CTNNA2: variants seen among roughly 807,000 people sequenced by gnomAD.
CTNNA2 encodes the protein catenin alpha 2.
In CTNNA2, 42 loss-of-function variants were observed where a neutral mutation model predicts 101.0. That is an observed-to-expected ratio of 0.42 (90% CI 0.32 to 0.54). CTNNA2 has a LOEUF of 0.54. Among genes scored for constraint, CTNNA2 ranks in the 20% least tolerant of loss-of-function variants. The probability of loss-of-function intolerance (pLI) is 0.14; values close to 1 mark genes in which losing one functional copy is unlikely to be tolerated. For missense variants in CTNNA2, 871 were observed against 1,223.1 expected, an observed-to-expected ratio of 0.71 and a Z score of 4.29; for synonymous variants, 450 against 456.4, an observed-to-expected ratio of 0.99 and a Z score of 0.18.
chr2:80,562,701 G>A (rs1693713883), intron 12 of CTNNA2, among the ~76,000 whole-genome samples: 1 of 152,086 alleles, frequency 6.6e-6, no homozygotes, highest in African/African-American at 2.4e-5. Context: ...TTAGGGCACT[G>A]GTTGAATAAA....
intron 2 of CTNNA2, among the ~76,000 whole-genome samples, chr2:79,300,016 G>A (rs1394187280): frequency 1.3e-5 from 2 of 152,130 alleles, no homozygotes; most frequent in African/African-American, 2.4e-5. Flanking sequence ...TCTTGCATTA[G>A]TGTAATACAT....
intron 7 of CTNNA2, among the ~76,000 whole-genome samples, chr2:79,962,592 T>C (rs1689719518): frequency 6.6e-6 from 1 of 152,238 alleles, no homozygotes; most frequent in African/African-American, 2.4e-5. Flanking sequence ...TTGCATATAA[T>C]ATGCCATATT....
At chr2:79,620,357 C>G (rs1254605466) in intron 1 of CTNNA2, among the ~76,000 whole-genome samples, 1 of 152,132 alleles carries the variant, frequency 6.6e-6, no homozygotes, top group Non-Finnish European at 1.5e-5. Flanking sequence ...TCTCTGGAAC[C>G]TCCTTGTCCT....
intron 18 of CTNNA2, among the ~76,000 whole-genome samples, chr2:80,620,316 T>C (rs756061419): frequency 1.2e-4 from 17 of 137,814 alleles, no homozygotes; most frequent in Non-Finnish European, 2.5e-4. Flanking sequence ...TGTTGGAGAA[T>C]TGGTTTCGGT....
At chr2:79,269,337 G>A (rs1675031332) in intron 2 of CTNNA2, among the ~76,000 whole-genome samples, 1 of 152,114 alleles carries the variant, frequency 6.6e-6, no homozygotes, top group Non-Finnish European at 1.5e-5. Context: ...AGTCAGCAAG[G>A]AAAGACTGCT....
At chr2:79,512,725 C>T (rs1405718906), upstream of CTNNA2, among the ~76,000 whole-genome samples, 1 of 151,830 alleles carries the variant, frequency 6.6e-6, no homozygotes, top group Non-Finnish European at 1.5e-5. Flanking sequence ...CGTCCCCTCC[C>T]CCCACCTGCG....
chr2:80,042,406 T>C lies in CTNNA2; in HGVS notation c.1056+132609T>C, dbSNP rs557922511. On this transcript the variant is annotated intron_variant, in intron 7 of 18. Coordinates refer to ENST00000402739, the MANE Select transcript of CTNNA2 (RefSeq NM_001282597.3). ...TGCTGTTGAGAATCGGGTTTAATAA[T>C]ATTTATATACTTATTTTTATTGACA... Among the ~76,000 whole-genome samples, 13 of 152,310 alleles carry C rather than the reference T, an allele frequency of 8.5e-5. No homozygotes were observed. In the East Asian group the frequency reaches 2.3e-3, roughly 27 times the overall value.
At chr2:80,290,375 C>T (rs1675129131) in intron 7 of CTNNA2, among the ~76,000 whole-genome samples, 1 of 152,042 alleles carries the variant, frequency 6.6e-6, no homozygotes, top group Admixed American at 6.6e-5. Flanking sequence ...CCCAAACTTC[C>T]TTGACCTTCT....
chr2:79,932,606 A>G (rs1325403600), intron 7 of CTNNA2, among the ~76,000 whole-genome samples: 1 of 152,102 alleles, frequency 6.6e-6, no homozygotes, highest in Non-Finnish European at 1.5e-5. Context: ...TACACCATGA[A>G]CTACTCAATT....
intron 9 of CTNNA2, among the ~76,000 whole-genome samples, chr2:80,420,034 G>GAAAAA (rs527701227): frequency 1.6e-4 from 6 of 37,544 alleles, no homozygotes; most frequent in Admixed American, 4.5e-4. Context: ...GGGAACTTGT[G>GAAAAA]AAAAAAAAAA....
rs112621099 is a variant in CTNNA2, at chr2:80,146,354, C to T, written c.1056+236557C>T. Among the ~76,000 whole-genome samples, 591 of 152,206 alleles carry T rather than the reference C, an allele frequency of 3.9e-3. 4 individuals are homozygous for T. Among genetic ancestry groups the T allele is most frequent in the African/African-American group, 0.013 (555 of 41,540 alleles). On this transcript the variant is annotated intron_variant, in intron 7 of 18. Transcript: ENST00000402739. The stretch of plus-strand genomic sequence containing the variant: ...GTTTCTTGGATTGTTACTCATCAAT[C>T]GATTCAATAGACAACAAAGACAGTT...
chr2:80,279,049 C>CGGGT (rs1055894339), intron 7 of CTNNA2, among the ~76,000 whole-genome samples: 3 of 135,734 alleles, frequency 2.2e-5, no homozygotes, highest in African/African-American at 8.3e-5. Flanking sequence ...ATGACTTTTA[C>CGGGT]GTGTGTGTGT....
At chr2:80,460,544 C>G (rs1017955114) in intron 9 of CTNNA2, among the ~76,000 whole-genome samples, 1 of 152,060 alleles carries the variant, frequency 6.6e-6, no homozygotes, top group African/African-American at 2.4e-5. Context: ...TTCCCTCTTT[C>G]TCCCGCTTCT....
rs537884455 is a variant in CTNNA2 at position 79,984,155 on chromosome 2, T to C, written c.1056+74358T>C. On this transcript the variant is annotated intron_variant, in intron 7 of 18. Transcript: ENST00000402739. ...AATTTAATTCTGGGTTTGCAGAAAC[T>C]TCAACACATTAATGCAGATGGATTT... Among the ~76,000 whole-genome samples the C allele has an allele frequency of 5.9e-5, 9 of 152,350 alleles. No individual in the cohort carries two copies. In the South Asian group the frequency reaches 8.3e-4, roughly 14 times the overall value.
chr2:79,857,181 A>T (rs1321286259), intron 3 of CTNNA2, among the ~76,000 whole-genome samples: 3 of 152,108 alleles, frequency 2.0e-5, no homozygotes, highest in Non-Finnish European at 4.4e-5. Flanking sequence ...TTCCTGGTGA[A>T]CACCTCTTTC....
chr2:80,326,403 A>G (rs1428396252), intron 7 of CTNNA2, among the ~76,000 whole-genome samples: 1 of 152,166 alleles, frequency 6.6e-6, no homozygotes, highest in Non-Finnish European at 1.5e-5. Flanking sequence ...CCTCCAGCAG[A>G]TGGCAACTCT....
intron 2 of CTNNA2, among the ~76,000 whole-genome samples, chr2:79,201,443 ACCTT>A (rs147136571): frequency 0.36 from 53,846 of 151,416 alleles, 9,997 homozygotes; most frequent in Middle Eastern, 0.47. Flanking sequence ...ACTCAAATTC[ACCTT>A]CCTTCCCTGT....
chr2:80,457,139 C>A (rs954425338), intron 9 of CTNNA2, among the ~76,000 whole-genome samples: 2 of 151,946 alleles, frequency 1.3e-5, no homozygotes, highest in Non-Finnish European at 2.9e-5. Context: ...TCTCGACTCA[C>A]TGCAACCTCT....
intron 7 of CTNNA2, among the ~76,000 whole-genome samples, chr2:79,968,486 A>G (rs778931552): frequency 5.3e-5 from 8 of 152,186 alleles, no homozygotes; most frequent in Non-Finnish European, 8.8e-5. Flanking sequence ...GCAACCCAGT[A>G]GCTGGTAGCA....
Sources: allele counts gnomAD v4.1 joint callset (sites outside exome capture counted in the v4.1 genomes callset), GRCh38; gene constraint gnomAD v4.1.1; transcripts MANE v1.5; gene names NCBI Gene and HGNC (gene_info 2026-07-23, HGNC 2026-07-21).